Variants in PRKCB observed in about 807,000 individuals in gnomAD.
The protein encoded by PRKCB is protein kinase C beta type.
A neutral mutation model predicts 81.5 loss-of-function variants in PRKCB; 13 were observed. That is an observed-to-expected ratio of 0.16 (90% CI 0.10 to 0.25). The LOEUF is 0.25. Ranked by LOEUF, PRKCB falls within the 10% of genes least tolerant of loss-of-function variation. The probability of loss-of-function intolerance (pLI) is 1.00; values close to 1 mark genes in which losing one functional copy is unlikely to be tolerated. For missense variants in PRKCB, 509 were observed against 875.7 expected (o/e 0.58, Z 5.29); for synonymous variants, 335 against 321.4 (o/e 1.04, Z -0.45).
At chr16:24,109,071 G>C (rs1299161023) in intron 7 of PRKCB, among the ~76,000 whole-genome samples, 1 of 148,986 alleles carries the variant, frequency 6.7e-6, no homozygotes, top group Non-Finnish European at 1.5e-5. Context: ...CGGCTGGCCG[G>C]GCAGAGGGGC....
chr16:24,081,197 A>G (rs1966245013), intron 5 of PRKCB, among the ~76,000 whole-genome samples: 1 of 152,160 alleles, frequency 6.6e-6, no homozygotes, highest in Non-Finnish European at 1.5e-5. Context: ...AAATTCAGCA[A>G]TATATAAATG....
rs371034672 is a variant in PRKCB, at chr16:24,114,053, C to T, written c.918+984C>T. Among the ~76,000 whole-genome samples, 590 of 151,486 alleles carry T rather than the reference C, an allele frequency of 3.9e-3. 3 individuals are homozygous for T. The highest frequency in any genetic ancestry group is 6.0e-3 in the Non-Finnish European group (405 of 67,842). On this transcript the variant is annotated intron_variant, in intron 8 of 16. Coordinates refer to ENST00000643927, the MANE Select transcript of PRKCB (RefSeq NM_002738.7). ...CCAATATGGTTAAACCCAGTCTCTA[C>T]TAAAAATACAAAAAAATTAGCTAGG... is the stretch of plus-strand genomic sequence containing the variant.
chr16:24,214,948 T>TC lies in PRKCB; in HGVS notation c.*133dup, dbSNP rs796209304. 177 of 1,501,776 alleles carry TC rather than the reference T, an allele frequency of 1.2e-4. No individual in the cohort carries two copies. The East Asian group carries it at 2.6e-3, about 22-fold the overall frequency. The allele number at this position is 1,501,776 out of a possible 1,614,324, so 93.0% of individuals were successfully genotyped here. ...CTGATGAGACTAGAGTGACAGTGTT[T>TC]CAGAACCCAAATGTCCTCAGGTAGT... is the stretch of plus-strand genomic sequence containing the variant. On this transcript the variant is annotated 3_prime_UTR_variant, in exon 17 of 17. Transcript: ENST00000643927.
intron 2 of PRKCB, among the ~76,000 whole-genome samples, chr16:23,844,667 C>T (rs1962334951): frequency 6.6e-6 from 1 of 151,896 alleles, no homozygotes; most frequent in Admixed American, 6.6e-5. Context: ...ACCACCTCGC[C>T]CGGCTAATTT....
At chr16:23,905,562 A>G (rs1406811081) in intron 2 of PRKCB, among the ~76,000 whole-genome samples, 2 of 152,244 alleles carry the variant, frequency 1.3e-5, no homozygotes, top group Non-Finnish European at 2.9e-5. Flanking sequence ...TTTATGTGCT[A>G]TTCAGGTTTA....
At chr16:24,027,702 G>C (rs954232827) in intron 3 of PRKCB, among the ~76,000 whole-genome samples, 3 of 152,178 alleles carry the variant, frequency 2.0e-5, no homozygotes, top group South Asian at 2.1e-4. Context: ...AGAAGCAACC[G>C]AAGTCTGCAG....
intron 2 of PRKCB, among the ~76,000 whole-genome samples, chr16:23,916,220 ATTTTTT>A (rs10678336): frequency 5.3e-5 from 6 of 112,876 alleles, no homozygotes; most frequent in East Asian, 5.1e-4. Flanking sequence ...CATGTGGCTA[ATTTTTT>A]TTTTTTTTTT....
chr16:24,086,800 A>T (rs867367430), intron 5 of PRKCB, among the ~76,000 whole-genome samples: 2 of 152,172 alleles, frequency 1.3e-5, no homozygotes, highest in African/African-American at 4.8e-5. Flanking sequence ...AATTTTGGGT[A>T]TATCTTTTCA....
chr16:23,980,793 A>G (rs1440111541), intron 2 of PRKCB, among the ~76,000 whole-genome samples: 1 of 151,790 alleles, frequency 6.6e-6, no homozygotes, highest in African/African-American at 2.4e-5. Flanking sequence ...ATCGACTCCA[A>G]ACAGAATATA....
chr16:23,953,157 A>G (rs1964306071), intron 2 of PRKCB, among the ~76,000 whole-genome samples: 1 of 152,148 alleles, frequency 6.6e-6, no homozygotes, highest in African/African-American at 2.4e-5. Flanking sequence ...TACGCAGTCA[A>G]TGAATGGCAG....
intron 3 of PRKCB, among the ~76,000 whole-genome samples, chr16:23,996,864 G>A (rs1964964019): frequency 6.6e-6 from 1 of 152,040 alleles, no homozygotes; most frequent in African/African-American, 2.4e-5. Flanking sequence ...GCATGCCTGG[G>A]CAAGATTCTC....
At chr16:24,193,334 A>G (rs1404260139) in intron 16 of PRKCB, among the ~76,000 whole-genome samples, 1 of 151,342 alleles carries the variant, frequency 6.6e-6, no homozygotes, top group Non-Finnish European at 1.5e-5. Flanking sequence ...AATCCCAGCT[A>G]TTTGTGAGGC....
chr16:24,055,463 C>T (rs752929892), intron 5 of PRKCB, among the ~76,000 whole-genome samples: 21 of 152,210 alleles, frequency 1.4e-4, no homozygotes, highest in Non-Finnish European at 2.4e-4. Flanking sequence ...TGGGCTTTCA[C>T]GTCGGCTTCT....
intron 3 of PRKCB, among the ~76,000 whole-genome samples, chr16:24,031,056 C>T (rs1440722479): frequency 6.6e-6 from 1 of 152,128 alleles, no homozygotes; most frequent in Admixed American, 6.6e-5. Context: ...AGAGCAAAAC[C>T]ATGTCTCTTA....
chr16:24,091,048 G>A (rs1381726052), intron 5 of PRKCB, among the ~76,000 whole-genome samples: 4 of 152,050 alleles, frequency 2.6e-5, no homozygotes, highest in Admixed American at 1.3e-4. Context: ...GGTTTAGAGG[G>A]TAACTCTTTA....
chr16:23,858,192 A>G (rs530557661), intron 2 of PRKCB, among the ~76,000 whole-genome samples: 1 of 152,338 alleles, frequency 6.6e-6, no homozygotes, highest in South Asian at 2.1e-4. Context: ...TTTACCTTCC[A>G]CTAAGATTTG....
intron 2 of PRKCB, among the ~76,000 whole-genome samples, chr16:23,875,596 C>CATATGTATGTATATCACACAT (rs1555480951): frequency 0.077 from 2,320 of 29,978 alleles, 879 homozygotes; most frequent in Middle Eastern, 0.15. Context: ...ATATCACACA[C>CATATGTATGTATATCACACAT]ATATGTATGT....
intron 2 of PRKCB, among the ~76,000 whole-genome samples, chr16:23,902,736 T>TCCTC (rs1555483457): frequency 8.8e-5 from 1 of 11,396 alleles, no homozygotes; most frequent in Non-Finnish European, 1.6e-4. Context: ...CTTCCTCCCT[T>TCCTC]CCTTCCTTCC....
chr16:24,119,112 C>T (rs934204946), intron 8 of PRKCB, among the ~76,000 whole-genome samples: 2 of 133,606 alleles, frequency 1.5e-5, no homozygotes, highest in Non-Finnish European at 3.1e-5. Context: ...ACCAGACCAA[C>T]AGGGTTATCA....
Sources: gnomAD v4.1 joint callset for allele counts (sites outside exome capture counted in the v4.1 genomes callset) on GRCh38, gnomAD v4.1.1 for gene constraint, MANE v1.5 for transcripts, NCBI Gene and HGNC (gene_info 2026-07-23, HGNC 2026-07-21) for gene names.